The following ZNF529 variants were observed in gnomAD, a reference collection of about 807,000 sequenced individuals.
ZNF529 encodes the protein zinc finger protein 529.
A neutral mutation model predicts 10.1 loss-of-function variants in ZNF529; 11 were observed. That is an observed-to-expected ratio of 1.09 (90% CI 0.69 to 1.81). The LOEUF (loss-of-function observed/expected upper bound fraction) is 1.81, where lower values mean the gene tolerates loss of function less well. Ranked by LOEUF, ZNF529 falls within the 40% of genes most tolerant of loss-of-function variation. The pLI is 0.00. For synonymous variants in ZNF529, 204 were observed against 215.7 expected (o/e 0.95, Z 0.47); for missense variants, 624 against 666.8 (o/e 0.94, Z 0.71).
In ZNF529 at chr19:36,546,235, AGTGT is replaced by A. The variant is rs34179809; in HGVS notation, c.*627_*630del. On this transcript the variant is annotated 3_prime_UTR_variant, in exon 5 of 5. Transcript: ENST00000591340. ...ATGTGTATATACACTATATGTATAT[AGTGT>A]GTGTGTGTGTGTGTGTGTGTTATGG... The A allele has an allele frequency of 1.6e-3, 231 of 147,812 alleles. No homozygotes were observed. Among genetic ancestry groups the A allele is most frequent in the South Asian group, 4.5e-3 (21 of 4,666 alleles). The allele number at this position is 147,812 out of a possible 1,614,324, so 9.2% of individuals were successfully genotyped here.
rs1379704584 is a variant in ZNF529 at position 36,546,057 on chromosome 19, G to GTATATATATA, written c.*808_*809insTATATATATA. On this transcript the variant is annotated 3_prime_UTR_variant, in exon 5 of 5. Coordinates refer to ENST00000591340, the MANE Select transcript of ZNF529 (RefSeq NM_020951.5). ...ATATATACATATATTGTGTGTGTGTGTGTGTATATATATATATATATATAG... is the reference window on the plus strand; with the variant it reads ...ATATATACATATATTGTGTGTGTGTGTATATATATATGTGTATATATATATATATATATAG... The GTATATATATA allele has an allele frequency of 1.8e-4, 14 of 79,332 alleles. No individual in the cohort carries two copies. The highest frequency in any genetic ancestry group is 5.9e-4 in the African/African-American group (14 of 23,822). The allele number at this position is 79,332 out of a possible 1,614,324, so 4.9% of individuals were successfully genotyped here.
chr19:36,601,613 AATTT>A (rs1407600098), intron 1 of ZNF529, among the ~76,000 whole-genome samples: 1 of 152,108 alleles, frequency 6.6e-6, no homozygotes, highest in African/African-American at 2.4e-5. Context: ...TAAGCTTAAT[AATTT>A]ATTATTATCA....
At position 36,547,948 on chromosome 19, in the gene ZNF529, A is replaced by T. The variant is rs1289292380; in HGVS notation, c.610T>A (p.Cys204Ser). 2 of 1,612,598 alleles carry T rather than the reference A, an allele frequency of 1.2e-6. No homozygotes were observed. The highest frequency in any genetic ancestry group is 3.3e-5 in the Admixed American group (2 of 59,732). ...TTATCTATCCCAAAGGTTTTCCAAC[A>T]TTGATTACATTCATAGTTTTTTCCA... ...TGGKNYECNQ[C>S]WKTFGIDNSS... Residue 204 changes from cysteine to serine, a missense_variant, in exon 5 of 5, where the codon TGT becomes AGT. Transcript: ENST00000591340.
At chr19:36,590,495 G>A (rs2036681196) in intron 1 of ZNF529, among the ~76,000 whole-genome samples, 1 of 152,104 alleles carries the variant, frequency 6.6e-6, no homozygotes. Context: ...ATAACTACAG[G>A]TTCTACTTTA....
At chr19:36,596,802 G>A (rs2036849516) in intron 1 of ZNF529, among the ~76,000 whole-genome samples, 2 of 152,112 alleles carry the variant, frequency 1.3e-5, no homozygotes, top group Admixed American at 1.3e-4. Context: ...TTACAGATGT[G>A]AGACCCCACG....
rs1286794936 is a variant in ZNF529, at chr19:36,547,068, T to C, written c.1490A>G (p.Gln497Arg). 7 of 1,614,068 alleles carry C rather than the reference T, an allele frequency of 4.3e-6. No individual in the cohort carries two copies. Among genetic ancestry groups the C allele is most frequent in the Non-Finnish European group, 5.9e-6 (7 of 1,179,968 alleles). The change falls in exon 5 of 5, where the codon CAG becomes CGG. Residue 497 changes from glutamine to arginine, a missense_variant. By Grantham distance (43) the Gln-to-Arg change is conservative. Transcript: ENST00000591340. ...GGGTTTTTCTCCAGTATGAATTCTC[T>C]GATGTTCTGTAAGGGCTGAACTATG... Reference protein sequence around the residue: ...FRHSSALTEHQRIHTGEKPYE... With the variant: ...FRHSSALTEHRRIHTGEKPYE...
intron 4 of ZNF529, among the ~76,000 whole-genome samples, chr19:36,550,396 C>T (rs1200817159): frequency 6.6e-6 from 1 of 152,072 alleles, no homozygotes; most frequent in East Asian, 1.9e-4. Flanking sequence ...TACAAAAAAA[C>T]TTAGCTAGGC....
intron 2 of ZNF529, among the ~76,000 whole-genome samples, chr19:36,579,867 A>G (rs1021408638): frequency 6.6e-6 from 1 of 152,182 alleles, no homozygotes; most frequent in African/African-American, 2.4e-5. Context: ...TCAATAATAA[A>G]TTAACCTTAG....
intron 2 of ZNF529, among the ~76,000 whole-genome samples, chr19:36,561,950 T>G (rs1312049675): frequency 6.6e-6 from 1 of 152,214 alleles, no homozygotes; most frequent in Non-Finnish European, 1.5e-5. Context: ...GAAATGTCTG[T>G]CCTGGCCGGG....
intron 2 of ZNF529, among the ~76,000 whole-genome samples, chr19:36,585,123 T>G (rs1243730457): frequency 6.6e-6 from 1 of 152,120 alleles, no homozygotes; most frequent in Non-Finnish European, 1.5e-5. Flanking sequence ...GTGGCCAAAG[T>G]GCATCGTCCT....
At chr19:36,594,996 A>G (rs955629556) in intron 1 of ZNF529, among the ~76,000 whole-genome samples, 1 of 151,700 alleles carries the variant, frequency 6.6e-6, no homozygotes, top group African/African-American at 2.4e-5. Flanking sequence ...CTCCCGCCTC[A>G]GCCTCCTGAG....
At chr19:36,604,038 G>A (rs998491836) in intron 1 of ZNF529, among the ~76,000 whole-genome samples, 1 of 152,098 alleles carries the variant, frequency 6.6e-6, no homozygotes, top group Non-Finnish European at 1.5e-5. Context: ...AAATGAGCCG[G>A]GCATGGTGGT....
At chr19:36,551,864 C>T (rs947716413) in intron 4 of ZNF529, 1 of 152,166 alleles carries the variant, frequency 6.6e-6, no homozygotes, top group Non-Finnish European at 1.5e-5. Flanking sequence ...ATGTTCTCTA[C>T]TTATCTGTTT....
At chr19:36,586,960 A>G (rs980910606) in intron 2 of ZNF529, among the ~76,000 whole-genome samples, 4 of 152,192 alleles carry the variant, frequency 2.6e-5, no homozygotes, top group Non-Finnish European at 5.9e-5. Context: ...ATCAGCATAA[A>G]GGTATAATAA....
chr19:36,562,676 AACT>A (rs1231126209), intron 2 of ZNF529, among the ~76,000 whole-genome samples: 2 of 151,828 alleles, frequency 1.3e-5, no homozygotes, highest in Non-Finnish European at 2.9e-5. Context: ...TCTACTAAAA[AACT>A]ACAAAAAAAT....
In ZNF529 at chr19:36,547,168, CTGACG is replaced by C; in HGVS notation, c.1385_1389del (p.Thr462SerfsTer10). 1 of 1,612,664 alleles carries C rather than the reference CTGACG, an allele frequency of 6.2e-7. No individual in the cohort carries two copies. Among genetic ancestry groups the C allele is most frequent in the Non-Finnish European group, 8.5e-7 (1 of 1,179,280 alleles). On this transcript the variant is annotated frameshift_variant, in exon 5 of 5. Coordinates refer to ENST00000591340, the MANE Select transcript of ZNF529 (RefSeq NM_020951.5). LOFTEE classifies it low-confidence loss of function (END_TRUNC). ...TGAATTCTTTGATGTTGAATAAGGG[CTGACG>C]TAAGTCTAAAGAACTTTCCACACTC...
chr19:36,560,824 G>C (rs1381859862), intron 2 of ZNF529, among the ~76,000 whole-genome samples: 1 of 152,096 alleles, frequency 6.6e-6, no homozygotes, highest in Admixed American at 6.5e-5. Context: ...AAGTGTTCAG[G>C]GTGCTGCTCG....
intron 2 of ZNF529, among the ~76,000 whole-genome samples, chr19:36,565,728 T>C (rs186861362): frequency 6.6e-6 from 1 of 152,108 alleles, no homozygotes; most frequent in Admixed American, 6.5e-5. Context: ...AAAACAACGA[T>C]AAAGGTACCT....
intron 1 of ZNF529, among the ~76,000 whole-genome samples, chr19:36,600,129 A>G (rs942026394): frequency 1.6e-4 from 25 of 151,920 alleles, no homozygotes; most frequent in African/African-American, 5.8e-4. Flanking sequence ...TTGGCCTCAC[A>G]AAGTGCTGGG....
Sources: allele counts gnomAD v4.1 joint callset (sites outside exome capture counted in the v4.1 genomes callset), GRCh38; gene constraint gnomAD v4.1.1; transcripts MANE v1.5; gene names NCBI Gene and HGNC (gene_info 2026-07-23, HGNC 2026-07-21).